Variants in NEDD9 observed in about 807,000 individuals in gnomAD.
NEDD9 encodes enhancer of filamentation 1.
NEDD9 carries 26 observed loss-of-function variants against 76.6 expected under a neutral mutation model. That is an observed-to-expected ratio of 0.34 (90% CI 0.25 to 0.47). The LOEUF is 0.47. NEDD9 is among the 20% of genes least tolerant of loss of function. The pLI is 1.00. For missense variants in NEDD9, 937 were observed against 1,058.5 expected (o/e 0.89, Z 1.59); for synonymous variants, 392 against 414.2 (o/e 0.95, Z 0.65).
chr6:11,229,588 C>A (rs1046327422), intron 1 of NEDD9, among the ~76,000 whole-genome samples: 2 of 152,186 alleles, frequency 1.3e-5, no homozygotes, highest in African/African-American at 4.8e-5. Context: ...CCGCCAGCCC[C>A]CGCCCAATTA....
chr6:11,319,788 A>G (rs902320671), intron 2 of NEDD9, among the ~76,000 whole-genome samples: 1 of 151,590 alleles, frequency 6.6e-6, no homozygotes, highest in African/African-American at 2.4e-5. Flanking sequence ...GCACACTAAC[A>G]TGCACACTCA....
intron 3 of NEDD9, among the ~76,000 whole-genome samples, chr6:11,268,220 G>T (rs1456936503): frequency 6.6e-6 from 1 of 151,948 alleles, no homozygotes; most frequent in Non-Finnish European, 1.5e-5. Flanking sequence ...TTTTAATAGA[G>T]TCGGGGTTTC....
rs1164602962 is a variant in NEDD9, at chr6:11,307,778, C to T, written c.-152-1623G>A. ...ACCCAGGTCAAGACATAGAGTACTG[C>T]CAGGACTCCAGAAGCTTTCCAAGAG... On this transcript the variant is annotated intron_variant, in intron 2 of 3. Coordinates refer to the NEDD9 transcript ENST00000397378. 5.9e-5 allele frequency among the ~76,000 whole-genome samples: 9 copies of T among 152,232 alleles called. No individual in the cohort carries two copies. The East Asian group carries it at 1.5e-3, about 26-fold the overall frequency.
intron 3 of NEDD9, among the ~76,000 whole-genome samples, chr6:11,247,389 A>G (rs1432692537): frequency 6.6e-6 from 1 of 152,196 alleles, no homozygotes; most frequent in South Asian, 2.1e-4. Flanking sequence ...ACTTGACCTT[A>G]GAAGTAGGCG....
intron 3 of NEDD9, among the ~76,000 whole-genome samples, chr6:11,238,514 G>A (rs988440235): frequency 3.9e-5 from 6 of 152,242 alleles, no homozygotes; most frequent in Admixed American, 6.5e-5. Flanking sequence ...TGATGCAGCC[G>A]TGTAAATACA....
At chr6:11,332,599 G>A (rs1762065755) in intron 2 of NEDD9, among the ~76,000 whole-genome samples, 1 of 152,180 alleles carries the variant, frequency 6.6e-6, no homozygotes, top group African/African-American at 2.4e-5. Context: ...TGAATTAGAT[G>A]CTCCTTTGCA....
In NEDD9 at chr6:11,252,132, C is replaced by T. The variant is rs374333071; in HGVS notation, c.13-38405G>A. 3.9e-5 allele frequency among the ~76,000 whole-genome samples: 6 copies of T among 152,278 alleles called. 1 individual carries two copies. The highest frequency in any genetic ancestry group is 7.2e-5 in the African/African-American group (3 of 41,554). ...CTTGTGTTAATATCTTCTAGCTGGGCGCTGTAGTGCTCTCTCAGCCAGATC... is the reference window on the plus strand; with the variant it reads ...CTTGTGTTAATATCTTCTAGCTGGGTGCTGTAGTGCTCTCTCAGCCAGATC... On this transcript the variant is annotated intron_variant, in intron 3 of 3. Coordinates refer to the NEDD9 transcript ENST00000397378. This position sits in a 1 kb window ranked among gnomAD's most constrained non-coding sequence, Gnocchi z 4.3.
At chr6:11,192,595 C>CT in intron 3 of NEDD9, 149 bp from the exon 4 acceptor site, 2 of 373,210 alleles carry the variant, frequency 5.4e-6, no homozygotes, top group South Asian at 8.1e-5. Context: ...AGATTTATTG[C>CT]CTTTTTTTTT....
Position 11,185,115 on chromosome 6 carries a change from T to G in NEDD9, c.*47A>C, listed in dbSNP as rs759308682. ...ACAAAAACCAGACAGTATTTCCAGT[T>G]TTCCTTAGTAACCGTTAACGCAGTC... On this transcript the variant is annotated 3_prime_UTR_variant, in exon 7 of 7. Coordinates refer to ENST00000379446, the MANE Select transcript of NEDD9 (RefSeq NM_006403.4). 6.5e-7 allele frequency: 1 copy of G among 1,542,662 alleles called. No individual in the cohort carries two copies. The highest frequency in any genetic ancestry group is 1.2e-5 in the South Asian group (1 of 80,590).
At chr6:11,210,959 C>A (rs1054273471) in intron 2 of NEDD9, among the ~76,000 whole-genome samples, 1 of 152,200 alleles carries the variant, frequency 6.6e-6, no homozygotes, top group African/African-American at 2.4e-5. Context: ...GCCAGGGCCA[C>A]CCTCTTGCCC....
chr6:11,232,571 C>T lies in NEDD9; in HGVS notation c.-56G>A. 1 of 1,613,646 alleles carries T rather than the reference C, an allele frequency of 6.2e-7. No homozygotes were observed. Among genetic ancestry groups the T allele is most frequent in the South Asian group, 1.1e-5 (1 of 91,084 alleles). ...ACACTAGTTAAGACAGCATTAAGCA[C>T]TGCGGTGCCCGCCCCTCCATTGAGT... On this transcript the variant is annotated 5_prime_UTR_variant, in exon 1 of 7. In the 5' UTR this introduces an upstream ATG that the reference lacks. Transcript: ENST00000379446.
intron 1 of NEDD9, among the ~76,000 whole-genome samples, chr6:11,353,414 G>T (rs1044717165): frequency 6.6e-6 from 1 of 152,222 alleles, no homozygotes; most frequent in African/African-American, 2.4e-5. Flanking sequence ...GCCCTGTGAA[G>T]ATGGAGGCAC....
chr6:11,361,386 C>T (rs976061627), intron 1 of NEDD9, among the ~76,000 whole-genome samples: 4 of 152,238 alleles, frequency 2.6e-5, no homozygotes, highest in Middle Eastern at 3.4e-3. Flanking sequence ...AGGAGGCTTA[C>T]AATCATGGCG....
intron 1 of NEDD9, among the ~76,000 whole-genome samples, chr6:11,365,361 C>T (rs1033581776): frequency 5.9e-5 from 9 of 152,112 alleles, no homozygotes; most frequent in Non-Finnish European, 1.0e-4. Flanking sequence ...ATCTGAATGT[C>T]CTAGTTAGAG....
At chr6:11,355,872 C>A (rs575941414) in intron 1 of NEDD9, among the ~76,000 whole-genome samples, 1 of 151,330 alleles carries the variant, frequency 6.6e-6, no homozygotes, top group African/African-American at 2.5e-5. Context: ...AGGCACCCGC[C>A]ACCACGCCCG....
chr6:11,380,001 C>T (rs1455790704), intron 1 of NEDD9, among the ~76,000 whole-genome samples: 3 of 152,242 alleles, frequency 2.0e-5, no homozygotes, highest in Non-Finnish European at 4.4e-5. Flanking sequence ...GACGCATCTT[C>T]GTGCTGTGCG....
intron 2 of NEDD9, among the ~76,000 whole-genome samples, chr6:11,319,479 CA>C (rs1320303985): frequency 6.6e-6 from 1 of 151,182 alleles, no homozygotes; most frequent in Admixed American, 6.6e-5. Flanking sequence ...CTCACACTAA[CA>C]AGCAAATAAT....
At chr6:11,342,384 C>G (rs531275295) in intron 1 of NEDD9, among the ~76,000 whole-genome samples, 2 of 149,010 alleles carry the variant, frequency 1.3e-5, no homozygotes, top group African/African-American at 5.1e-5. Flanking sequence ...GTACATCAGT[C>G]AAATGACTGA....
intron 3 of NEDD9, among the ~76,000 whole-genome samples, chr6:11,261,481 G>T (rs773066735): frequency 4.6e-5 from 7 of 152,100 alleles, no homozygotes; most frequent in Non-Finnish European, 7.4e-5. Context: ...ATTTTCATTA[G>T]CATATTTATG....
Sources: gnomAD v4.1 joint callset for allele counts (sites outside exome capture counted in the v4.1 genomes callset) on GRCh38, gnomAD v4.1.1 for gene constraint, Gnocchi (gnomAD v3.1) non-coding constraint, MANE v1.5 for transcripts, NCBI Gene and HGNC (gene_info 2026-07-23, HGNC 2026-07-21) for gene names.